HTRA1: variants seen among roughly 807,000 people sequenced by gnomAD.
HTRA1 encodes serine protease HTRA1.
Under a neutral mutation model 49.7 loss-of-function variants are expected in HTRA1, and 26 were observed. That is an observed-to-expected ratio of 0.52 (90% confidence interval 0.38 to 0.73). The LOEUF (loss-of-function observed/expected upper bound fraction) is 0.73, where lower values mean the gene tolerates loss of function less well. Ranked by LOEUF, HTRA1 falls within the 30% of genes least tolerant of loss-of-function variation. The pLI is 0.00. For missense variants in HTRA1, 561 were observed against 667.2 expected, an observed-to-expected ratio of 0.84 and a Z score of 1.75; for synonymous variants, 291 against 286.9, an observed-to-expected ratio of 1.01 and a Z score of -0.14.
chr10:122,510,032 CT>C lies in HTRA1; in HGVS notation c.1121-63del, dbSNP rs1271550030. 9.8e-6 allele frequency: 14 copies of C among 1,425,658 alleles called. No individual in the cohort carries two copies. In the East Asian group the frequency reaches 3.2e-4, roughly 32 times the overall value. 88.3% of individuals were successfully genotyped at this position (1,425,658 alleles called of 1,614,324 possible). ...ACCTGGGGGATTGGGCCCCCGGCCC[CT>C]GGTGTCCCCAGCACCCCCACCAACT... is the stretch of plus-strand genomic sequence containing the variant. On this transcript the variant is annotated intron_variant, in intron 6 of 8. Coordinates refer to ENST00000368984, the MANE Select transcript of HTRA1 (RefSeq NM_002775.5).
rs1262828885 is a variant in HTRA1 at position 122,514,101 on chromosome 10, G to A, written c.1275-90G>A. The A allele has an allele frequency of 9.3e-6, 12 of 1,295,918 alleles. No individual in the cohort carries two copies. The African/African-American group carries it at 1.3e-4, about 14-fold the overall frequency. The allele number at this position is 1,295,918 out of a possible 1,614,324, so 80.3% of individuals were successfully genotyped here. On this transcript the variant is annotated intron_variant, in intron 8 of 8. Transcript: ENST00000368984. ...CAATCCTGTTTGCTCTGGGCTTTTAGGTTCTAAGCTGTGCCTCTGTCCATG... is the reference window on the plus strand; with the variant it reads ...CAATCCTGTTTGCTCTGGGCTTTTAAGTTCTAAGCTGTGCCTCTGTCCATG...
At chr10:122,507,468 TTTGTTTG>T in intron 5 of HTRA1, 66 bp downstream of exon 5, 2 of 1,235,514 alleles carry the variant, frequency 1.6e-6, no homozygotes, top group Non-Finnish European at 2.3e-6. Flanking sequence ...TTTTTGTTTG[TTTGTTTG>T]TTGTTTGTTT....
chr10:122,505,127 A>G (rs2097502510), intron 3 of HTRA1, among the ~76,000 whole-genome samples: 1 of 152,206 alleles, frequency 6.6e-6, no homozygotes, highest in African/African-American at 2.4e-5. Context: ...ACAGTGGACC[A>G]TTGAGGTAGC....
At chr10:122,507,509 C>G in intron 5 of HTRA1, 107 bp downstream of exon 5, 1 of 886,984 alleles carries the variant, frequency 1.1e-6, no homozygotes, top group Non-Finnish European at 1.9e-6. Flanking sequence ...GGGGTCTTTT[C>G]AAACATAAGG....
chr10:122,478,322 C>A (rs1202265340), intron 1 of HTRA1, among the ~76,000 whole-genome samples: 1 of 151,704 alleles, frequency 6.6e-6, no homozygotes, highest in African/African-American at 2.4e-5. Flanking sequence ...AGGATGGGTA[C>A]CTTGCCTCCC....
rs2097503074 is a variant in HTRA1, at chr10:122,506,425, A to G, written c.778-266A>G. ...GTGATGAGACCCCGACTTGGCCTCC[A>G]GTTACCTCCCCACGGTTTCCTTGGT... On this transcript the variant is annotated intron_variant, in intron 3 of 8. Coordinates refer to ENST00000368984, the MANE Select transcript of HTRA1 (RefSeq NM_002775.5). The surrounding 1 kb of genome is among the most constrained non-coding windows in gnomAD (Gnocchi z 5.2). 6.6e-6 allele frequency among the ~76,000 whole-genome samples: 1 copy of G among 152,128 alleles called. No individual in the cohort carries two copies. Among genetic ancestry groups the G allele is most frequent in the Non-Finnish European group, 1.5e-5 (1 of 68,024 alleles).
At chr10:122,496,225 G>GTTGTTTTTTTTT in intron 3 of HTRA1, among the ~76,000 whole-genome samples, 1 of 80,408 alleles carries the variant, frequency 1.2e-5, no homozygotes, top group East Asian at 3.9e-4. Context: ...GAGATTGTGG[G>GTTGTTTTTTTTT]TTCTTTTTTT....
chr10:122,478,643 T>G (rs4328161), intron 1 of HTRA1, among the ~76,000 whole-genome samples: 1 of 151,512 alleles, frequency 6.6e-6, no homozygotes, highest in Admixed American at 6.6e-5. Flanking sequence ...CTGCCTGCCT[T>G]GGCCTCCCAA....
At chr10:122,502,263 C>G (rs937638103) in intron 3 of HTRA1, among the ~76,000 whole-genome samples, 2 of 152,154 alleles carry the variant, frequency 1.3e-5, no homozygotes, top group African/African-American at 4.8e-5. Context: ...TGAGAGAGTT[C>G]TCTTTCACGG....
At position 122,464,775 on chromosome 10, in the gene HTRA1, C is replaced by T. The variant is rs963440730; in HGVS notation, c.472+2651C>T. Among the ~76,000 whole-genome samples the T allele has an allele frequency of 1.3e-5, 2 of 152,174 alleles. No homozygotes were observed. Among genetic ancestry groups the T allele is most frequent in the Non-Finnish European group, 2.9e-5 (2 of 68,034 alleles). On this transcript the variant is annotated intron_variant, in intron 1 of 8. Transcript: ENST00000368984. The surrounding 1 kb of genome is among the most constrained non-coding windows in gnomAD (Gnocchi z 4.8). ...TGGTGCCCACGGGCAGGTCACTTGACGTCACTGTTAAATGAGGTGAATTGG... is the reference window on the plus strand; with the variant it reads ...TGGTGCCCACGGGCAGGTCACTTGATGTCACTGTTAAATGAGGTGAATTGG...
chr10:122,507,445 A>G (rs1245419260), intron 5 of HTRA1, 43 bp downstream of exon 5: 16 of 1,431,616 alleles, frequency 1.1e-5, no homozygotes, highest in Non-Finnish European at 2.0e-6. Flanking sequence ...GTTTTTATCT[A>G]TGTATACGCT....
chr10:122,495,198 G>T (rs2097498092), intron 3 of HTRA1, among the ~76,000 whole-genome samples: 1 of 152,106 alleles, frequency 6.6e-6, no homozygotes, highest in African/African-American at 2.4e-5. Flanking sequence ...AATGCACATC[G>T]CACTGCCCCA....
rs554914618 is a variant in HTRA1, at chr10:122,505,397, G to A, written c.778-1294G>A. 6.6e-5 allele frequency among the ~76,000 whole-genome samples: 10 copies of A among 152,252 alleles called. No individual in the cohort carries two copies. In the East Asian group the frequency reaches 1.5e-3, roughly 24 times the overall value. On this transcript the variant is annotated intron_variant, in intron 3 of 8. Transcript: ENST00000368984. ...TCTCACCCAGCACCTTCCTTATTTG[G>A]TGTGTGTTGGGGGATATTTGTGGTG...
Position 122,488,934 on chromosome 10 carries a change from T to C in HTRA1, c.505T>C (p.Tyr169His). Residue 169 changes from tyrosine (Y) to histidine (H), a missense_variant, in exon 2 of 9, where the codon TAT becomes CAT. By Grantham distance (83) the Tyr-to-His change is moderately conservative (BLOSUM62 2). This residue lies in a region of HTRA1 where 271 missense variants were observed against 410.0 expected (regional missense o/e 0.66). Coordinates refer to ENST00000368984, the MANE Select transcript of HTRA1 (RefSeq NM_002775.5). ...QEDPNSLRHK[Y>H]NFIADVVEKI... is the part of the protein sequence containing the mutation. ...AGATCCCAACAGTTTGCGCCATAAA[T>C]ATAACTTTATCGCGGACGTGGTGGA... 2 of 1,614,150 alleles carry C rather than the reference T, an allele frequency of 1.2e-6. No individual in the cohort carries two copies. The highest frequency in any genetic ancestry group is 2.2e-5 in the South Asian group (2 of 91,086).
At chr10:122,501,048 C>G (rs11200655) in intron 3 of HTRA1, among the ~76,000 whole-genome samples, 18,976 of 152,136 alleles carry the variant, frequency 0.12, 1,418 homozygotes, top group South Asian at 0.32. Flanking sequence ...AGAAGAACAC[C>G]TGGAGTGGAG....
intron 1 of HTRA1, among the ~76,000 whole-genome samples, chr10:122,474,126 G>A (rs569625830): frequency 4.6e-5 from 7 of 152,246 alleles, no homozygotes; most frequent in South Asian, 2.1e-4. Context: ...TGGGGATTAC[G>A]CACTGAAAGG....
At chr10:122,492,575 C>G (rs2097496371) in intron 3 of HTRA1, among the ~76,000 whole-genome samples, 1 of 152,116 alleles carries the variant, frequency 6.6e-6, no homozygotes, top group Non-Finnish European at 1.5e-5. Context: ...CTCAGGTGAT[C>G]CACCTGCCTC....
chr10:122,477,867 TC>T (rs928113572), intron 1 of HTRA1, among the ~76,000 whole-genome samples: 3 of 151,716 alleles, frequency 2.0e-5, no homozygotes, highest in African/African-American at 7.3e-5. Flanking sequence ...CATTTTATGC[TC>T]CTGCCTTTGA....
Position 122,490,527 on chromosome 10 carries a change from T to C in HTRA1, c.777+901T>C, listed in dbSNP as rs939218939. 2.0e-5 allele frequency among the ~76,000 whole-genome samples: 3 copies of C among 152,140 alleles called. No homozygotes were observed. Among genetic ancestry groups the C allele is most frequent in the African/African-American group, 7.2e-5 (3 of 41,420 alleles). On this transcript the variant is annotated intron_variant, in intron 3 of 8. Transcript: ENST00000368984. The surrounding 1 kb of genome is among the most constrained non-coding windows in gnomAD (Gnocchi z 4.2). ...CTGTGTGGCATGTTCAGTGAAAGCG[T>C]GGTTTCCAGTTTCTTCACATCCTTA...
Sources: gnomAD v4.1 joint callset for allele counts (sites outside exome capture counted in the v4.1 genomes callset) on GRCh38, gnomAD v4.1.1 for gene constraint, gnomAD v4.1.1 regional missense constraint, Gnocchi (gnomAD v3.1) non-coding constraint, MANE v1.5 for transcripts, NCBI Gene and HGNC (gene_info 2026-07-23, HGNC 2026-07-21) for gene names.